SLC2A10: variants seen among roughly 807,000 people sequenced by gnomAD.
SLC2A10 encodes the protein solute carrier family 2 member 10.
SLC2A10 carries 25 observed loss-of-function variants against 32.1 expected under a neutral mutation model. The observed-to-expected ratio is 0.78, with a 90% CI of 0.57 to 1.09. The LOEUF is 1.09. SLC2A10 is among the 50% of genes least tolerant of loss of function. The pLI is 0.00. For synonymous variants in SLC2A10, 332 were observed against 309.6 expected (o/e 1.07, Z -0.76); for missense variants, 673 against 686.5 (o/e 0.98, Z 0.22).
At chr20:46,714,404 C>G (rs1323368692) in intron 1 of SLC2A10, 1 of 152,338 alleles carries the variant, frequency 6.6e-6, no homozygotes. Context: ...AACCAGGAGA[C>G]TGTGAGACAA....
intron 1 of SLC2A10, among the ~76,000 whole-genome samples, chr20:46,720,039 T>G (rs1979464473): frequency 6.6e-6 from 1 of 152,166 alleles, no homozygotes; most frequent in Non-Finnish European, 1.5e-5. Context: ...TATAACAACT[T>G]AGAGGAACAG....
chr20:46,733,813 C>G lies in SLC2A10; in HGVS notation c.1605C>G (p.Ile535Met). Reference sequence around the variant, plus strand: ...CCACTGGCATCCCGTACAGCCGCATCGAGATCTCTGCGGCCTCCTGAGGAA... The same window carrying G: ...CCACTGGCATCCCGTACAGCCGCATGGAGATCTCTGCGGCCTCCTGAGGAA... ...QNSTGIPYSRIEISAAS is the reference protein window; with the variant it reads ...QNSTGIPYSRMEISAAS Residue 535 changes from isoleucine to methionine, a missense_variant, in exon 5 of 5, where the codon ATC (isoleucine) becomes ATG (methionine). By Grantham distance (10) the Ile-to-Met change is conservative (BLOSUM62 1). Transcript: ENST00000359271. 1 of 1,614,132 alleles carries G rather than the reference C, an allele frequency of 6.2e-7. No individual in the cohort carries two copies. The highest frequency in any genetic ancestry group is 2.2e-5 in the East Asian group (1 of 44,876).
chr20:46,719,659 C>G (rs781238383), intron 1 of SLC2A10, among the ~76,000 whole-genome samples: 5 of 152,182 alleles, frequency 3.3e-5, no homozygotes, highest in African/African-American at 1.2e-4. Flanking sequence ...ATGGGAGCTA[C>G]AATTTAAGAT....
chr20:46,733,638 G>A, intron 4 of SLC2A10, 118 bp from the exon 5 acceptor site: 5 of 801,016 alleles, frequency 6.2e-6, no homozygotes, highest in Non-Finnish European at 8.8e-6. Flanking sequence ...GAGGCAGGAA[G>A]GGTCATGGTA....
chr20:46,709,358 G>C (rs1032798584), upstream of SLC2A10: 1 of 326,270 alleles, frequency 3.1e-6, no homozygotes, highest in African/African-American at 2.2e-5. Context: ...GAGGCCAGGG[G>C]AAGACAGTGC....
chr20:46,736,089 A>G lies in SLC2A10; in HGVS notation c.*2255A>G, dbSNP rs1980553170. The G allele has an allele frequency of 6.6e-6, 1 of 152,180 alleles. No homozygotes were observed. The highest frequency in any genetic ancestry group is 2.1e-4 in the South Asian group (1 of 4,834). 9.4% of individuals were successfully genotyped at this position (152,180 alleles called of 1,614,324 possible). On this transcript the variant is annotated 3_prime_UTR_variant, in exon 5 of 5. Transcript: ENST00000359271. ...TACAAGGTTTGGCAAAAAAAAAAATATTAACAAAATATTCTGTAAGAATCA... is the reference window on the plus strand; with the variant it reads ...TACAAGGTTTGGCAAAAAAAAAAATGTTAACAAAATATTCTGTAAGAATCA...
rs199599532 is a variant in SLC2A10, at chr20:46,726,926, T to G, written c.1351T>G (p.Cys451Gly). ...GATACGAGGAAGAGCCTTCGCCTTC[T>G]GCAACAGCTTCAACTGGGCGGCCAA... Reference protein sequence around the residue: ...VEIRGRAFAFCNSFNWAANLF... With the variant: ...VEIRGRAFAFGNSFNWAANLF... Residue 451 changes from cysteine (C) to glycine (G), a missense_variant, in exon 3 of 5, where the codon TGC becomes GGC. Cys to Gly is a radical substitution (Grantham distance 159). Transcript: ENST00000359271. 70 of 1,614,212 alleles carry G rather than the reference T, an allele frequency of 4.3e-5. No homozygotes were observed. The highest frequency in any genetic ancestry group is 1.7e-4 in the Admixed American group (10 of 60,028).
At position 46,726,460 on chromosome 20, in the gene SLC2A10, C is replaced by T. The variant is rs1197400629; in HGVS notation, c.1288+136C>T. The T allele has an allele frequency of 4.5e-6, 6 of 1,332,728 alleles. No individual in the cohort carries two copies. In the African/African-American group the frequency reaches 5.8e-5, roughly 13 times the overall value. 82.6% of individuals were successfully genotyped at this position (1,332,728 alleles called of 1,614,324 possible). A position where few individuals can be genotyped will look rare whatever the true frequency, so the allele number is the denominator to read the frequency against. ...GTGGGTTGACCATGAAGCCTCAGGG[C>T]CCCTCACTTACCTGCAGTTGCTCCT... On this transcript the variant is annotated intron_variant, in intron 2 of 4. Transcript: ENST00000359271.
In SLC2A10 at chr20:46,734,987, A is replaced by T. The variant is rs1365631298; in HGVS notation, c.*1153A>T. The T allele has an allele frequency of 6.6e-6, 1 of 152,588 alleles. No individual in the cohort carries two copies. The highest frequency in any genetic ancestry group is 1.5e-5 in the Non-Finnish European group (1 of 68,050). The allele number at this position is 152,588 out of a possible 1,614,324, so 9.5% of individuals were successfully genotyped here. A position where few individuals can be genotyped will look rare whatever the true frequency, so the allele number is the denominator to read the frequency against. The stretch of plus-strand genomic sequence containing the variant: ...AATTATGTCCCAGGGGTATATTTAG[A>T]CCCTGTTTCCTTTCAGGAGGGTCCC... On this transcript the variant is annotated 3_prime_UTR_variant, in exon 5 of 5. Transcript: ENST00000359271.
rs756110797 is a variant in SLC2A10, at chr20:46,725,457, G to T, written c.421G>T (p.Ala141Ser). The part of the protein sequence containing the change: ...QRGVLVSLYE[A>S]GITVGILLSY... ...GGGAGTGCTGGTGTCCCTCTATGAG[G>T]CAGGCATCACCGTGGGCATCCTGCT... is the stretch of plus-strand genomic sequence containing the variant. The change falls in exon 2 of 5, where the codon GCA becomes TCA. Residue 141 changes from alanine to serine, a missense_variant. Transcript: ENST00000359271. 1 of 1,614,152 alleles carries T rather than the reference G, an allele frequency of 6.2e-7. No homozygotes were observed. The highest frequency in any genetic ancestry group is 1.7e-5 in the Admixed American group (1 of 60,024).
intron 1 of SLC2A10, chr20:46,710,337 G>A (rs1978838704): frequency 3.2e-6 from 1 of 312,088 alleles, no homozygotes; most frequent in Non-Finnish European, 5.8e-6. Flanking sequence ...CGAAGGATCA[G>A]TCGTTGATTC....
chr20:46,719,198 T>C (rs1979419585), intron 1 of SLC2A10, among the ~76,000 whole-genome samples: 1 of 152,098 alleles, frequency 6.6e-6, no homozygotes, highest in Non-Finnish European at 1.5e-5. Flanking sequence ...AAAAAAATGC[T>C]TGTCTGCAAT....
chr20:46,728,581 C>T (rs1255224903), intron 3 of SLC2A10, among the ~76,000 whole-genome samples: 2 of 150,336 alleles, frequency 1.3e-5, no homozygotes, highest in South Asian at 2.1e-4. Context: ...ACTGAATGAC[C>T]GATTCATGGA....
chr20:46,728,823 C>T (rs1261954039), intron 3 of SLC2A10, among the ~76,000 whole-genome samples: 1 of 151,956 alleles, frequency 6.6e-6, no homozygotes, highest in Non-Finnish European at 1.5e-5. Context: ...CAGGGTTTCA[C>T]CATGTTGCCC....
chr20:46,712,651 C>CTTTTTT lies in SLC2A10; in HGVS notation c.4+2928_4+2933dup, dbSNP rs11477202. On this transcript the variant is annotated intron_variant, in intron 1 of 4. Coordinates refer to ENST00000359271, the MANE Select transcript of SLC2A10 (RefSeq NM_030777.4). ...TTCTTTCTTTCTGTCTTCTTTCTTT[C>CTTTTTT]TTTTTTTTTTTTTTTTTTTTTTGAC... is the stretch of plus-strand genomic sequence containing the variant. 9.6e-4 allele frequency among the ~76,000 whole-genome samples: 91 copies of CTTTTTT among 94,414 alleles called. 2 individuals carry two copies. Among genetic ancestry groups the CTTTTTT allele is most frequent in the African/African-American group, 1.4e-3 (37 of 25,884 alleles). The allele number at this position is 94,414 out of a possible 152,430, so 61.9% of individuals were successfully genotyped here. A position where few individuals can be genotyped will look rare whatever the true frequency, so the allele number is the denominator to read the frequency against.
At chr20:46,724,971 G>A (rs926305611) in intron 1 of SLC2A10, 70 bp from the exon 2 acceptor site, 3 of 1,607,682 alleles carry the variant, frequency 1.9e-6, no homozygotes, top group African/African-American at 1.3e-5. Flanking sequence ...CAGATGGAGG[G>A]AAGGTTGAAT....
chr20:46,720,308 A>G (rs533224943), intron 1 of SLC2A10, among the ~76,000 whole-genome samples: 1 of 152,246 alleles, frequency 6.6e-6, no homozygotes, highest in Non-Finnish European at 1.5e-5. Flanking sequence ...AATGGCAAGA[A>G]AACAGATCTA....
At position 46,734,312 on chromosome 20, in the gene SLC2A10, G is replaced by A. The variant is rs113058599; in HGVS notation, c.*478G>A. 5.1e-3 allele frequency: 1,063 copies of A among 209,446 alleles called. 11 individuals carry two copies. Among genetic ancestry groups the A allele is most frequent in the African/African-American group, 0.024 (1,003 of 42,004 alleles). 13.0% of individuals were successfully genotyped at this position (209,446 alleles called of 1,614,324 possible). A position where few individuals can be genotyped will look rare whatever the true frequency, so the allele number is the denominator to read the frequency against. On this transcript the variant is annotated 3_prime_UTR_variant, in exon 5 of 5. Transcript: ENST00000359271. ...TCTTATCATTTTTTTTTTTTGAGGT[G>A]GAGTCTCATTCTGTTGCCCAGGCTG...
At chr20:46,726,458 G>A in intron 2 of SLC2A10, 134 bp downstream of exon 2, 1 of 1,350,720 alleles carries the variant, frequency 7.4e-7, no homozygotes. Flanking sequence ...GAAGCCTCAG[G>A]GCCCCTCACT....
Sources: gnomAD v4.1 joint callset for allele counts (sites outside exome capture counted in the v4.1 genomes callset) on GRCh38, gnomAD v4.1.1 for gene constraint, MANE v1.5 for transcripts, NCBI Gene and HGNC (gene_info 2026-07-23, HGNC 2026-07-21) for gene names.